MDGA2: variants seen among roughly 807,000 people sequenced by gnomAD.
MDGA2 encodes the protein MAM domain-containing glycosylphosphatidylinositol anchor protein 2.
MDGA2 carries 40 observed loss-of-function variants against 117.8 expected under a neutral mutation model. That is an observed-to-expected ratio of 0.34 (90% CI 0.26 to 0.44). MDGA2 has a LOEUF of 0.44. Ranked by LOEUF, MDGA2 falls within the 20% of genes least tolerant of loss-of-function variation. MDGA2 has a pLI of 1.00. For missense variants in MDGA2, 1,123 were observed against 1,250.6 expected (o/e 0.90, Z 1.54); for synonymous variants, 452 against 439.0 (o/e 1.03, Z -0.37).
At chr14:47,126,607 A>G (rs1042608151) in intron 5 of MDGA2, among the ~76,000 whole-genome samples, 14 of 152,160 alleles carry the variant, frequency 9.2e-5, no homozygotes, top group Non-Finnish European at 1.8e-4. Context: ...TGACTTTATC[A>G]TGACACCTAG....
chr14:47,648,451 G>C (rs1463029644), intron 1 of MDGA2, among the ~76,000 whole-genome samples: 5 of 152,030 alleles, frequency 3.3e-5, no homozygotes, highest in Non-Finnish European at 5.9e-5. Flanking sequence ...AGTTCTTTGA[G>C]TGTTTCCCTC....
At chr14:47,180,749 C>T (rs979867472) in intron 3 of MDGA2, among the ~76,000 whole-genome samples, 34 of 152,040 alleles carry the variant, frequency 2.2e-4, no homozygotes, top group African/African-American at 7.5e-4. Context: ...AGTGAAACCC[C>T]GTCTCTACTA....
Position 46,873,916 on chromosome 14 carries a change from T to C in MDGA2, c.2593+129A>G, listed in dbSNP as rs74516572. The C allele has an allele frequency of 9.4e-3, 7,611 of 807,294 alleles. 476 individuals are homozygous for C. In the African/African-American group the frequency reaches 0.13, roughly 13 times the overall value. 50.0% of individuals were successfully genotyped at this position (807,294 alleles called of 1,614,324 possible). A position where few individuals can be genotyped will look rare whatever the true frequency, so the allele number is the denominator to read the frequency against. ...AAAGTTTTGTAAATATCTAAATTGA[T>C]ACTGTACAGAAAATTTAATATTTTA... On this transcript the variant is annotated intron_variant, in intron 13 of 16. Transcript: ENST00000399232.
At chr14:47,450,208 C>G (rs547953239) in intron 1 of MDGA2, among the ~76,000 whole-genome samples, 2 of 152,062 alleles carry the variant, frequency 1.3e-5, no homozygotes, top group South Asian at 4.1e-4. Flanking sequence ...TAAAATGGGA[C>G]TTAGCATGTG....
chr14:47,115,567 A>T (rs1338201850), intron 5 of MDGA2, among the ~76,000 whole-genome samples: 1 of 152,018 alleles, frequency 6.6e-6, no homozygotes, highest in Admixed American at 6.6e-5. Flanking sequence ...AAATAAAAAG[A>T]GGGGAAAAGG....
At chr14:47,292,307 G>T (rs186414562) in intron 2 of MDGA2, among the ~76,000 whole-genome samples, 3 of 152,228 alleles carry the variant, frequency 2.0e-5, no homozygotes, top group Admixed American at 2.0e-4. Context: ...ATTCCACTAG[G>T]TCTTTTCTAC....
At chr14:47,003,830 C>A (rs145376746) in intron 8 of MDGA2, among the ~76,000 whole-genome samples, 11 of 151,708 alleles carry the variant, frequency 7.3e-5, no homozygotes, top group African/African-American at 2.4e-4. Context: ...ATTTTGGGTG[C>A]TACATTTAAG....
At chr14:46,953,544 G>A (rs538951917) in intron 9 of MDGA2, among the ~76,000 whole-genome samples, 2 of 151,982 alleles carry the variant, frequency 1.3e-5, no homozygotes, top group South Asian at 4.2e-4. Context: ...TGTAATAAAT[G>A]CATATGCTTA....
At chr14:47,561,141 G>GTTTGTTTTTTTTT (rs1555332241) in intron 1 of MDGA2, among the ~76,000 whole-genome samples, 1 of 52,154 alleles carries the variant, frequency 1.9e-5, no homozygotes, top group South Asian at 1.1e-3. Context: ...CTCTATCTTT[G>GTTTGTTTTTTTTT]TTTTTTTTTT....
chr14:46,981,844 T>C (rs1886683653), intron 8 of MDGA2, among the ~76,000 whole-genome samples: 2 of 152,204 alleles, frequency 1.3e-5, no homozygotes, highest in Admixed American at 1.3e-4. Flanking sequence ...GCATTTTTAA[T>C]ATACATGGGT....
intron 2 of MDGA2, among the ~76,000 whole-genome samples, chr14:47,282,452 G>A (rs1222658136): frequency 6.6e-6 from 1 of 151,918 alleles, no homozygotes; most frequent in Non-Finnish European, 1.5e-5. Flanking sequence ...GGCTGAGGCA[G>A]ACAGTTCACG....
chr14:47,174,523 C>T (rs1018464837), intron 3 of MDGA2, among the ~76,000 whole-genome samples: 1 of 152,160 alleles, frequency 6.6e-6, no homozygotes, highest in Admixed American at 6.5e-5. Context: ...AACATGGAAA[C>T]TGAACAACCT....
chr14:47,266,729 G>T (rs1199596636), intron 2 of MDGA2, among the ~76,000 whole-genome samples: 1 of 152,078 alleles, frequency 6.6e-6, no homozygotes, highest in Admixed American at 6.6e-5. Context: ...TCACCACTTA[G>T]CTTTCTAACA....
At chr14:47,573,226 G>A (rs991709516) in intron 1 of MDGA2, among the ~76,000 whole-genome samples, 1 of 152,120 alleles carries the variant, frequency 6.6e-6, no homozygotes. Context: ...GAAAAGATGA[G>A]AGTTGATTAA....
chr14:47,148,942 T>C (rs1427246947), intron 3 of MDGA2, among the ~76,000 whole-genome samples: 1 of 152,190 alleles, frequency 6.6e-6, no homozygotes, highest in African/African-American at 2.4e-5. Context: ...ACCATCTCCA[T>C]AGCTCTCTGT....
At chr14:47,664,631 C>T (rs1430975117) in intron 1 of MDGA2, among the ~76,000 whole-genome samples, 9 of 152,216 alleles carry the variant, frequency 5.9e-5, no homozygotes, top group Non-Finnish European at 1.0e-4. Context: ...CAGTTTTCAA[C>T]TACATCATGC....
chr14:47,493,326 T>C (rs538852114), intron 1 of MDGA2, among the ~76,000 whole-genome samples: 212 of 149,296 alleles, frequency 1.4e-3, no homozygotes, highest in Middle Eastern at 3.6e-3. Context: ...AATATATATA[T>C]ATATTTTGAG....
intron 1 of MDGA2, among the ~76,000 whole-genome samples, chr14:47,657,618 C>G (rs1018319229): frequency 6.6e-6 from 1 of 152,172 alleles, no homozygotes; most frequent in African/African-American, 2.4e-5. Flanking sequence ...CTGACAGTTA[C>G]CTTGTGCCTA....
chr14:47,229,847 A>G (rs1028027006), intron 2 of MDGA2, among the ~76,000 whole-genome samples: 2 of 152,044 alleles, frequency 1.3e-5, no homozygotes, highest in Admixed American at 6.6e-5. Flanking sequence ...ATGAGAGTTA[A>G]TAAATACAGG....
Sources: gnomAD v4.1 joint callset for allele counts (sites outside exome capture counted in the v4.1 genomes callset) on GRCh38, gnomAD v4.1.1 for gene constraint, MANE v1.5 for transcripts, NCBI Gene and HGNC (gene_info 2026-07-23, HGNC 2026-07-21) for gene names.